The following TP63 variants were observed in gnomAD, a reference collection of about 807,000 sequenced individuals.
TP63 encodes tumor protein 63.
In TP63, 17 loss-of-function variants were observed where a neutral mutation model predicts 82.8. The observed-to-expected ratio is 0.21, with a 90% CI of 0.14 to 0.31. TP63 has a LOEUF of 0.31. TP63 is among the 10% of genes least tolerant of loss of function. The pLI is 1.00. For synonymous variants in TP63, 330 were observed against 321.7 expected, an observed-to-expected ratio of 1.03 and a Z score of -0.28; for missense variants, 648 against 895.3, an observed-to-expected ratio of 0.72 and a Z score of 3.52.
intron 1 of TP63, among the ~76,000 whole-genome samples, chr3:189,692,084 C>T (rs1716981574): frequency 6.6e-6 from 1 of 152,118 alleles, no homozygotes; most frequent in African/African-American, 2.4e-5. Context: ...TTATTTCTAG[C>T]ACTCTCTATT....
chr3:189,697,239 T>TG (rs1717451579), intron 1 of TP63, among the ~76,000 whole-genome samples: 1 of 151,260 alleles, frequency 6.6e-6, no homozygotes, highest in Non-Finnish European at 1.5e-5. Flanking sequence ...TTCAGTTTTT[T>TG]TTTTTTTTTT....
upstream of TP63, among the ~76,000 whole-genome samples, chr3:189,629,339 G>A (rs1007717542): frequency 7.9e-5 from 12 of 152,000 alleles, no homozygotes; most frequent in African/African-American, 2.4e-4. Context: ...ATCCATGAAC[G>A]CGCTGCTACA....
intron 1 of TP63, among the ~76,000 whole-genome samples, chr3:189,691,889 C>A: frequency 6.6e-6 from 1 of 152,140 alleles, no homozygotes; most frequent in Admixed American, 6.6e-5. Context: ...TAGAACCATT[C>A]AAATAGATCA....
intron 1 of TP63, among the ~76,000 whole-genome samples, chr3:189,669,945 G>C (rs1714747743): frequency 6.6e-6 from 1 of 151,908 alleles, no homozygotes; most frequent in Non-Finnish European, 1.5e-5. Context: ...TGCATTAAGT[G>C]TTAAACATTC....
intron 1 of TP63, among the ~76,000 whole-genome samples, chr3:189,731,773 T>G (rs1242526378): frequency 1.3e-5 from 2 of 152,364 alleles, no homozygotes; most frequent in East Asian, 3.9e-4. Flanking sequence ...GCTTTCTATC[T>G]TTAGGTGTGA....
intron 10 of TP63, among the ~76,000 whole-genome samples, chr3:189,876,955 A>G (rs1380997962): frequency 2.0e-5 from 3 of 152,210 alleles, no homozygotes; most frequent in Non-Finnish European, 4.4e-5. Flanking sequence ...TAGAGGGAAA[A>G]TTAGTGGGAA....
intron 1 of TP63, among the ~76,000 whole-genome samples, chr3:189,634,868 A>G (rs1457073927): frequency 2.0e-5 from 3 of 151,970 alleles, no homozygotes; most frequent in African/African-American, 7.2e-5. Context: ...CAGAAGATAC[A>G]TCCTTGTTAA....
chr3:189,890,109 ATCT>A (rs769074298), intron 12 of TP63, among the ~76,000 whole-genome samples: 3 of 152,244 alleles, frequency 2.0e-5, no homozygotes, highest in Non-Finnish European at 2.9e-5. Context: ...CCTAGTGTAT[ATCT>A]TCTTCTTCTG....
At chr3:189,668,972 C>A (rs1714648026) in intron 1 of TP63, among the ~76,000 whole-genome samples, 1 of 151,440 alleles carries the variant, frequency 6.6e-6, no homozygotes, top group South Asian at 2.1e-4. Context: ...GAAAGTCACA[C>A]CTAGGCATAT....
chr3:189,624,063 T>G, the TP63 span, among the ~76,000 whole-genome samples: 1 of 152,220 alleles, frequency 6.6e-6, no homozygotes, highest in Non-Finnish European at 1.5e-5. Flanking sequence ...ATTTTTGTCT[T>G]ATTTTACTTA....
chr3:189,598,193 AAC>A, the TP63 span, among the ~76,000 whole-genome samples: 1 of 152,048 alleles, frequency 6.6e-6, no homozygotes, highest in African/African-American at 2.4e-5. Context: ...AAACATACGA[AAC>A]ACAATAAATA....
At chr3:189,800,385 G>T (rs2108617443) in intron 3 of TP63, among the ~76,000 whole-genome samples, 1 of 151,500 alleles carries the variant, frequency 6.6e-6, no homozygotes, top group South Asian at 2.1e-4. Context: ...CTTTCAAGTG[G>T]TAGTTACAAG....
At chr3:189,823,825 A>G (rs2108681005) in intron 4 of TP63, among the ~76,000 whole-genome samples, 1 of 152,316 alleles carries the variant, frequency 6.6e-6, no homozygotes, top group East Asian at 1.9e-4. Flanking sequence ...GAAGTCTATC[A>G]TGCAAACCGC....
chr3:189,746,832 C>A (rs1721413694), intron 3 of TP63, among the ~76,000 whole-genome samples: 1 of 150,442 alleles, frequency 6.6e-6, no homozygotes, highest in African/African-American at 2.4e-5. Context: ...CACACACACA[C>A]ACATATGAAA....
intron 4 of TP63, among the ~76,000 whole-genome samples, chr3:189,849,228 C>G (rs897657288): frequency 4.6e-5 from 7 of 152,164 alleles, no homozygotes; most frequent in Non-Finnish European, 7.3e-5. Context: ...TATAATAAAC[C>G]AGTAAATGTG....
chr3:189,599,987 T>G, the TP63 span, among the ~76,000 whole-genome samples: 2 of 152,236 alleles, frequency 1.3e-5, no homozygotes, highest in Admixed American at 1.3e-4. Context: ...AATAAATTTT[T>G]GTATTTCAAA....
At chr3:189,806,513 T>TAAGA (rs1425233652) in intron 3 of TP63, among the ~76,000 whole-genome samples, 1 of 152,236 alleles carries the variant, frequency 6.6e-6, no homozygotes, top group Non-Finnish European at 1.5e-5. Flanking sequence ...CTTGGATACC[T>TAAGA]AAGAGCTTTA....
At chr3:189,611,738 A>G in the TP63 span, among the ~76,000 whole-genome samples, 1 of 152,196 alleles carries the variant, frequency 6.6e-6, no homozygotes, top group African/African-American at 2.4e-5. Flanking sequence ...TTTTAATGAT[A>G]TTGATTCTTT....
At chr3:189,838,892 G>A (rs1713537140) in intron 4 of TP63, among the ~76,000 whole-genome samples, 1 of 152,032 alleles carries the variant, frequency 6.6e-6, no homozygotes, top group East Asian at 1.9e-4. Context: ...CTATAGGATA[G>A]TAGAGCCTTG....
Sources: allele counts gnomAD v4.1 joint callset (sites outside exome capture counted in the v4.1 genomes callset), GRCh38; gene constraint gnomAD v4.1.1; transcripts MANE v1.5; gene names NCBI Gene and HGNC (gene_info 2026-07-23, HGNC 2026-07-21).